PRDM7: variants seen among roughly 807,000 people sequenced by gnomAD.
PRDM7 encodes the protein PR/SET domain 7.
In PRDM7, 52 loss-of-function variants were observed where a neutral mutation model predicts 64.3. The ratio of observed to expected loss-of-function variants is 0.81; its 90% CI spans 0.65 to 1.02. The LOEUF (loss-of-function observed/expected upper bound fraction) is 1.02. Ranked by LOEUF, PRDM7 falls within the 50% of genes least tolerant of loss-of-function variation. The probability of loss-of-function intolerance (pLI) is 0.00; values close to 1 mark genes in which losing one functional copy is unlikely to be tolerated. For missense variants in PRDM7, 574 were observed against 597.1 expected (o/e 0.96, Z 0.40); for synonymous variants, 192 against 210.1 (o/e 0.91, Z 0.74).
chr16:90,073,594 T>G (rs2151313605), intron 4 of PRDM7, among the ~76,000 whole-genome samples: 1 of 152,010 alleles, frequency 6.6e-6, no homozygotes, highest in Middle Eastern at 3.4e-3. Context: ...AGAGATGGGG[T>G]TTCACCGTGT....
intron 7 of PRDM7, 57 bp from the exon 8 acceptor site, chr16:90,062,249 G>T (rs2037792991): frequency 6.2e-7 from 1 of 1,614,040 alleles, no homozygotes; most frequent in South Asian, 1.1e-5. Context: ...CTTGATATAA[G>T]AGCTTCAGAA....
At position 90,060,398 on chromosome 16, in the gene PRDM7, G is replaced by A; in HGVS notation, c.1176C>T (p.Ala392=). Residue 392 remains alanine (A), a synonymous_variant, in exon 10 of 11, where the codon GCC becomes GCT. Transcript: ENST00000449207. The stretch of plus-strand genomic sequence containing the variant: ...CTGCCCCACTTGATGCCCAGTTCCT[G>A]GCCATACTCATCCCCATACCAGACC... ...NCWSGMGMSM[A]RNWASSGAAS... The A allele has an allele frequency of 6.2e-7, 1 of 1,613,774 alleles. No individual in the cohort carries two copies. Among genetic ancestry groups the A allele is most frequent in the African/African-American group, 1.3e-5 (1 of 74,966 alleles).
chr16:90,061,173 G>C (rs1318498370), intron 9 of PRDM7, among the ~76,000 whole-genome samples: 1 of 152,078 alleles, frequency 6.6e-6, no homozygotes, highest in African/African-American at 2.4e-5. Flanking sequence ...TAACAAATGT[G>C]GATTACATAA....
intron 10 of PRDM7, among the ~76,000 whole-genome samples, chr16:90,059,859 A>G (rs1464563656): frequency 1.3e-5 from 2 of 152,270 alleles, no homozygotes; most frequent in Admixed American, 6.5e-5. Flanking sequence ...TTCACAAGTT[A>G]TCTGTTCAAG....
Position 90,057,897 on chromosome 16 carries a change from G to A in PRDM7, c.*392C>T. On this transcript the variant is annotated 3_prime_UTR_variant, in exon 11 of 11. Coordinates refer to ENST00000449207, the MANE Select transcript of PRDM7 (RefSeq NM_001098173.2). ...CTGTGTGTCCTCTGGTGAATGAGGA[G>A]GACTGACTTCCGGCTAAAGCCCCGC... 2 of 1,538,232 alleles carry A rather than the reference G, an allele frequency of 1.3e-6. No homozygotes were observed. Among genetic ancestry groups the A allele is most frequent in the South Asian group, 2.2e-5 (2 of 89,762 alleles).
At chr16:90,058,711 A>G (rs1221280747) in intron 10 of PRDM7, among the ~76,000 whole-genome samples, 177 bp from the exon 11 acceptor site, 1 of 152,158 alleles carries the variant, frequency 6.6e-6, no homozygotes, top group African/African-American at 2.4e-5. Flanking sequence ...TTTATTCACT[A>G]CATCTTAAAA....
At position 90,074,123 on chromosome 16, in the gene PRDM7, G is replaced by A. The variant is rs139768592; in HGVS notation, c.301+793C>T. Among the ~76,000 whole-genome samples, 342 of 152,088 alleles carry A rather than the reference G, an allele frequency of 2.2e-3. 1 individual carries two copies. Among genetic ancestry groups the A allele is most frequent in the African/African-American group, 6.9e-3 (286 of 41,502 alleles). ...CTAAATCTTACTGGGGGCTATGCAC[G>A]GTGGCTCATGCCTGTAATCCCAGCA... On this transcript the variant is annotated intron_variant, in intron 4 of 10. Coordinates refer to ENST00000449207, the MANE Select transcript of PRDM7 (RefSeq NM_001098173.2).
In PRDM7 at chr16:90,061,452, C is replaced by G; in HGVS notation, c.950G>C (p.Arg317Thr). ...AAACTAAGAGACCTAGTGGCCTTACCTCATCCAGTTGGCCGAGGATTTATC... is the reference window on the plus strand; with the variant it reads ...AAACTAAGAGACCTAGTGGCCTTACGTCATCCAGTTGGCCGAGGATTTATC... ...GKDKSSANWMRYVNCARDDEE... is the reference protein window; with the variant it reads ...GKDKSSANWMTYVNCARDDEE... The change falls in exon 9 of 11, where the codon AGG becomes ACG. Residue 317 changes from arginine (R) to threonine (T), a missense_variant and splice_region_variant. By Grantham distance (71) the Arg-to-Thr change is moderately conservative (BLOSUM62 -1). Transcript: ENST00000449207. 1 of 1,595,236 alleles carries G rather than the reference C, an allele frequency of 6.3e-7. No individual in the cohort carries two copies. The highest frequency in any genetic ancestry group is 8.6e-7 in the Non-Finnish European group (1 of 1,162,744).
At position 90,075,565 on chromosome 16, in the gene PRDM7, GC is replaced by G. The variant is rs950465584; in HGVS notation, c.70-92del. ...CCCTGCGTGTAGGGCATAGCCTGGG[GC>G]CTCTGGGAGTCTCTGTGAAACATAA... is the stretch of plus-strand genomic sequence containing the variant. On this transcript the variant is annotated intron_variant, in intron 2 of 10. Coordinates refer to ENST00000449207, the MANE Select transcript of PRDM7 (RefSeq NM_001098173.2). This position sits in a 1 kb window ranked among gnomAD's most constrained non-coding sequence, Gnocchi z 4.3. 1.3e-6 allele frequency: 2 copies of G among 1,595,274 alleles called. No homozygotes were observed. Among genetic ancestry groups the G allele is most frequent in the Non-Finnish European group, 8.6e-7 (1 of 1,163,870 alleles).
Position 90,058,182 on chromosome 16 carries a change from T to C in PRDM7, c.*107A>G. ...TCCCTGGATTCACTTTCTGGCCTGTTCTGGACTCTTCTTCCATCATTCTTT... is the reference window on the plus strand; with the variant it reads ...TCCCTGGATTCACTTTCTGGCCTGTCCTGGACTCTTCTTCCATCATTCTTT... On this transcript the variant is annotated 3_prime_UTR_variant, in exon 11 of 11. Transcript: ENST00000449207. 1.9e-6 allele frequency: 3 copies of C among 1,614,252 alleles called. No individual in the cohort carries two copies. In the South Asian group the frequency reaches 3.3e-5, roughly 18 times the overall value.
intron 4 of PRDM7, among the ~76,000 whole-genome samples, chr16:90,072,087 C>G (rs2037966774): frequency 6.6e-6 from 1 of 152,008 alleles, no homozygotes; most frequent in Admixed American, 6.6e-5. Flanking sequence ...AAAAATTAGC[C>G]TGGCGTGGTG....
intron 9 of PRDM7, 72 bp from the exon 10 acceptor site, chr16:90,060,695 A>C: frequency 6.4e-4 from 1,016 of 1,576,426 alleles, no homozygotes; most frequent in Non-Finnish European, 8.2e-4. Flanking sequence ...TACAATGCTC[A>C]TCCTGCCTAG....
chr16:90,075,410 T>C lies in PRDM7; in HGVS notation c.134A>G (p.Asp45Gly). 1 of 1,614,192 alleles carries C rather than the reference T, an allele frequency of 6.2e-7. No individual in the cohort carries two copies. The highest frequency in any genetic ancestry group is 2.2e-5 in the East Asian group (1 of 44,888). ...FTKEEWAEMG[D>G]WEKTRYRNVK... ...ATTCCTATAGCGAGTTTTCTCCCAG[T>C]CTCCCATTTCTGCCCATTCTTCCTT... is the stretch of plus-strand genomic sequence containing the variant. The change falls in exon 3 of 11, where the codon GAC becomes GGC. Residue 45 changes from aspartate (D) to glycine (G), a missense_variant. Asp to Gly is a moderately conservative substitution (Grantham distance 94). Coordinates refer to ENST00000449207, the MANE Select transcript of PRDM7 (RefSeq NM_001098173.2). The surrounding 1 kb of genome is among the most constrained non-coding windows in gnomAD (Gnocchi z 4.3).
chr16:90,074,189 G>C (rs934813583), intron 4 of PRDM7, among the ~76,000 whole-genome samples: 2 of 152,076 alleles, frequency 1.3e-5, no homozygotes, highest in Non-Finnish European at 2.9e-5. Flanking sequence ...GAGCCCAGGA[G>C]TTTCAGGCTG....
At chr16:90,074,546 A>T (rs1334876046) in intron 4 of PRDM7, among the ~76,000 whole-genome samples, 1 of 152,018 alleles carries the variant, frequency 6.6e-6, no homozygotes, top group Non-Finnish European at 1.5e-5. Context: ...ACTGTACTCC[A>T]GCCTGGATGA....
At position 90,058,036 on chromosome 16, in the gene PRDM7, C is replaced by G. The variant is rs74034318; in HGVS notation, c.*253G>C. 8.6e-4 allele frequency: 1,391 copies of G among 1,611,480 alleles called. 11 individuals are homozygous for G. In the African/African-American group the frequency reaches 0.016, roughly 19 times the overall value. ...CTCTCTGCAGACGTAGGGCTTCCCC[C>G]CTGTGTGTGTCCTTTGGTGTGTAAT... is the stretch of plus-strand genomic sequence containing the variant. On this transcript the variant is annotated 3_prime_UTR_variant, in exon 11 of 11. Coordinates refer to ENST00000449207, the MANE Select transcript of PRDM7 (RefSeq NM_001098173.2).
chr16:90,065,015 G>C (rs774515345), intron 5 of PRDM7, among the ~76,000 whole-genome samples: 2 of 150,764 alleles, frequency 1.3e-5, no homozygotes, highest in Non-Finnish European at 2.9e-5. Context: ...CACTGCCTCC[G>C]GCACTAATTC....
rs2037703520 is a variant in PRDM7, at chr16:90,057,511, A to G, written c.*778T>C. 3 of 215,220 alleles carry G rather than the reference A, an allele frequency of 1.4e-5. No individual in the cohort carries two copies. In the South Asian group the frequency reaches 2.6e-4, roughly 19 times the overall value. The allele number at this position is 215,220 out of a possible 1,614,324, so 13.3% of individuals were successfully genotyped here. ...TTCAGTGATAAGGGAAGAATGAGGT[A>G]CACACTTGGGGTTCAGATATGTATG... On this transcript the variant is annotated 3_prime_UTR_variant, in exon 11 of 11. Transcript: ENST00000449207.
chr16:90,075,177 A>G lies in PRDM7; in HGVS notation c.194-154T>C, dbSNP rs2038018764. On this transcript the variant is annotated intron_variant, in intron 3 of 10. Coordinates refer to ENST00000449207, the MANE Select transcript of PRDM7 (RefSeq NM_001098173.2). This position sits in a 1 kb window ranked among gnomAD's most constrained non-coding sequence, Gnocchi z 4.3. ...GTCAAGATGTGACCTCTGCATGGTC[A>G]GTATCCACACACAACCCTGCACTGA... is the stretch of plus-strand genomic sequence containing the variant. 6.6e-6 allele frequency among the ~76,000 whole-genome samples: 1 copy of G among 152,248 alleles called. No homozygotes were observed. Among genetic ancestry groups the G allele is most frequent in the South Asian group, 2.1e-4 (1 of 4,836 alleles).
Sources: gnomAD v4.1 joint callset for allele counts (sites outside exome capture counted in the v4.1 genomes callset) on GRCh38, gnomAD v4.1.1 for gene constraint, Gnocchi (gnomAD v3.1) non-coding constraint, MANE v1.5 for transcripts, NCBI Gene and HGNC (gene_info 2026-07-23, HGNC 2026-07-21) for gene names.